ESRRG: variants seen among roughly 807,000 people sequenced by gnomAD.
ESRRG encodes estrogen-related receptor gamma.
A neutral mutation model predicts 44.0 loss-of-function variants in ESRRG; 13 were observed. The ratio of observed to expected loss-of-function variants is 0.30; its 90% CI spans 0.19 to 0.47. The LOEUF is 0.47. Among genes scored for constraint, ESRRG ranks in the 20% least tolerant of loss-of-function variants. The pLI is 1.00. For synonymous variants in ESRRG, 215 were observed against 214.6 expected (o/e 1.00, Z -0.02); for missense variants, 395 against 580.6 (o/e 0.68, Z 3.29).
At chr1:216,704,484 T>A (rs1390901922) in intron 1 of ESRRG, among the ~76,000 whole-genome samples, 1 of 152,058 alleles carries the variant, frequency 6.6e-6, no homozygotes, top group East Asian at 1.9e-4. Context: ...GCCATTGCAC[T>A]CCAGCCTGGG....
In ESRRG at chr1:217,055,560, C is replaced by T. The variant is rs1188637244; in HGVS notation, c.-106+33947G>A. 2.6e-5 allele frequency among the ~76,000 whole-genome samples: 4 copies of T among 152,126 alleles called. No homozygotes were observed. The East Asian group carries it at 7.7e-4, about 29-fold the overall frequency. ...TCCACCTGGCAACCTTCATGTACCC[C>T]AAAACCAGGGCTTCAACCCCCTGTA... On this transcript the variant is annotated intron_variant, in intron 1 of 7. Coordinates refer to the ESRRG transcript ENST00000359162.
At chr1:216,734,173 T>C (rs2089432823) in intron 2 of ESRRG, among the ~76,000 whole-genome samples, 1 of 152,094 alleles carries the variant, frequency 6.6e-6, no homozygotes. Context: ...AGTAAACTTC[T>C]TGATGGCCTT....
intron 1 of ESRRG, among the ~76,000 whole-genome samples, chr1:216,687,162 T>A (rs369538141): frequency 3.3e-5 from 5 of 152,190 alleles, no homozygotes; most frequent in African/African-American, 1.2e-4. Flanking sequence ...GAAGACTCAC[T>A]CCCAGTGGGC....
intron 2 of ESRRG, among the ~76,000 whole-genome samples, chr1:216,765,609 G>C (rs2093035280): frequency 6.6e-6 from 1 of 152,102 alleles, no homozygotes; most frequent in African/African-American, 2.4e-5. Flanking sequence ...GAGGGAAGGT[G>C]GGTTCCATGC....
rs184222978 is a variant in ESRRG at position 217,032,546 on chromosome 1, C to T, written c.-106+56961G>A. ...TTGTAACTGCTTGAACTGGAGATAA[C>T]GTAGAACTCAACATGATCCAGCTTC... On this transcript the variant is annotated intron_variant, in intron 1 of 7. Transcript: ENST00000359162. Among the ~76,000 whole-genome samples, 10 of 152,226 alleles carry T rather than the reference C, an allele frequency of 6.6e-5. No individual in the cohort carries two copies. In the East Asian group the frequency reaches 7.7e-4, roughly 12 times the overall value.
intron 2 of ESRRG, among the ~76,000 whole-genome samples, chr1:216,870,351 C>G (rs942711317): frequency 6.6e-6 from 1 of 150,700 alleles, no homozygotes; most frequent in Non-Finnish European, 1.5e-5. Context: ...TTTGTTATTA[C>G]ATGTTATTCA....
At chr1:216,775,560 T>C (rs2093577930) in intron 2 of ESRRG, among the ~76,000 whole-genome samples, 1 of 43,586 alleles carries the variant, frequency 2.3e-5, no homozygotes, top group Non-Finnish European at 3.8e-5. Flanking sequence ...TCTTTTTTTT[T>C]TTTTTTTTTT....
rs766767657 is a variant in ESRRG, at chr1:216,568,172, T to C, written c.590-74A>G. The C allele has an allele frequency of 1.1e-4, 107 of 1,015,532 alleles. 2 individuals carry two copies. Among genetic ancestry groups the C allele is most frequent in the Non-Finnish European group, 1.4e-4 (90 of 636,588 alleles). 62.9% of individuals were successfully genotyped at this position (1,015,532 alleles called of 1,614,324 possible). A position where few individuals can be genotyped will look rare whatever the true frequency, so the allele number is the denominator to read the frequency against. The stretch of plus-strand genomic sequence containing the variant: ...AGACCAATCAAATACCTAGATGGTA[T>C]CCCCCAAGAGCACATAGGTGACAAA... On this transcript the variant is annotated intron_variant, in intron 3 of 6. Coordinates refer to ENST00000408911, the MANE Select transcript of ESRRG (RefSeq NM_001438.4).
intron 2 of ESRRG, among the ~76,000 whole-genome samples, chr1:216,776,290 C>T (rs150764824): frequency 1.9e-3 from 285 of 152,186 alleles, no homozygotes; most frequent in South Asian, 0.012. Flanking sequence ...GCACATACGG[C>T]AACCACTCCC....
At chr1:216,949,529 A>C (rs2818758) in intron 1 of ESRRG, among the ~76,000 whole-genome samples, 124,355 of 152,044 alleles carry the variant, frequency 0.82, 51,126 homozygotes, top group Middle Eastern at 0.9. Flanking sequence ...TTAATAATGT[A>C]CATCATAGTT....
At chr1:216,913,073 G>A (rs1276470374) in intron 2 of ESRRG, among the ~76,000 whole-genome samples, 2 of 134,128 alleles carry the variant, frequency 1.5e-5, no homozygotes, top group African/African-American at 5.7e-5. Context: ...GCAGTGAACC[G>A]AGATCGCACT....
intron 2 of ESRRG, chr1:216,865,065 T>C (rs1219687064): frequency 1.3e-5 from 2 of 151,834 alleles, no homozygotes; most frequent in African/African-American, 4.8e-5. Context: ...TTTTACCTTA[T>C]TCCCTTTCTC....
At chr1:216,989,477 T>G (rs919825152) in intron 1 of ESRRG, among the ~76,000 whole-genome samples, 22 of 150,096 alleles carry the variant, frequency 1.5e-4, no homozygotes, top group African/African-American at 5.1e-4. Flanking sequence ...TATAAATTTA[T>G]CTAATGTATC....
At chr1:216,837,315 G>A (rs11804693) in intron 2 of ESRRG, among the ~76,000 whole-genome samples, 5,052 of 151,646 alleles carry the variant, frequency 0.033, 292 homozygotes, top group African/African-American at 0.11. Context: ...GGAGGCTGAG[G>A]CAGGAGAATG....
intron 1 of ESRRG, among the ~76,000 whole-genome samples, chr1:216,954,293 C>T (rs555646313): frequency 5.9e-5 from 9 of 152,228 alleles, no homozygotes; most frequent in African/African-American, 2.2e-4. Flanking sequence ...CACAGCCCCT[C>T]TCCACTGAAG....
chr1:216,975,103 A>C (rs1207427677), intron 1 of ESRRG, among the ~76,000 whole-genome samples: 4 of 152,192 alleles, frequency 2.6e-5, no homozygotes, highest in African/African-American at 9.6e-5. Flanking sequence ...TTGATTCTGC[A>C]GCAAAGCCAG....
chr1:217,043,913 C>T (rs888883751), intron 1 of ESRRG, among the ~76,000 whole-genome samples: 2 of 151,330 alleles, frequency 1.3e-5, no homozygotes, highest in Admixed American at 6.6e-5. Context: ...TACCACTACC[C>T]AGAGCTCTGA....
intron 1 of ESRRG, among the ~76,000 whole-genome samples, chr1:217,105,344 C>T (rs181919007): frequency 3.9e-4 from 60 of 152,296 alleles, no homozygotes; most frequent in African/African-American, 1.3e-3. Context: ...TTTTTAACAT[C>T]ACAATAATCC....
chr1:216,949,557 C>T (rs773272986), intron 1 of ESRRG, among the ~76,000 whole-genome samples: 37 of 152,084 alleles, frequency 2.4e-4, no homozygotes, highest in Non-Finnish European at 4.7e-4. Context: ...ATGATATTAA[C>T]GTCTGAGATC....
Sources: allele counts gnomAD v4.1 joint callset (sites outside exome capture counted in the v4.1 genomes callset), GRCh38; gene constraint gnomAD v4.1.1; transcripts MANE v1.5; gene names NCBI Gene and HGNC (gene_info 2026-07-23, HGNC 2026-07-21).